The following FGF2 variants were observed in gnomAD, a reference collection of about 807,000 sequenced individuals.
FGF2 encodes the protein basic fibroblast growth factor bFGF.
Under a neutral mutation model 15.9 loss-of-function variants are expected in FGF2, and 13 were observed. The ratio of observed to expected loss-of-function variants is 0.82; its 90% CI spans 0.53 to 1.30. The LOEUF (loss-of-function observed/expected upper bound fraction) is 1.30, where lower values mean the gene tolerates loss of function less well. FGF2 is among the 50% of genes most tolerant of loss of function. The pLI, the probability that FGF2 is intolerant of heterozygous loss-of-function variation, is 0.00. For missense variants in FGF2, 163 were observed against 196.9 expected, an observed-to-expected ratio of 0.83 and a Z score of 1.03; for synonymous variants, 90 against 78.4, an observed-to-expected ratio of 1.15 and a Z score of -0.78.
chr4:122,854,985 C>T lies in FGF2; in HGVS notation c.179-21336C>T, dbSNP rs192790517. On this transcript the variant is annotated intron_variant, in intron 1 of 2. Coordinates refer to ENST00000644866, the MANE Select transcript of FGF2 (RefSeq NM_001361665.2). ...TTGCCTTTCCCCCAAAGCTCCTCCT[C>T]CTCCGGGCACACACATGCCGCTCTG... 6.5e-3 allele frequency among the ~76,000 whole-genome samples: 989 copies of T among 152,292 alleles called. 7 individuals carry two copies. The highest frequency in any genetic ancestry group is 0.011 in the Non-Finnish European group (758 of 68,028).
At chr4:122,842,826 AC>A (rs1250000844) in intron 1 of FGF2, among the ~76,000 whole-genome samples, 1 of 151,840 alleles carries the variant, frequency 6.6e-6, no homozygotes, top group African/African-American at 2.4e-5. Flanking sequence ...TCAGTTTTAA[AC>A]CCTTCATTTG....
intron 1 of FGF2, among the ~76,000 whole-genome samples, chr4:122,868,225 C>G (rs906810993): frequency 8.5e-5 from 13 of 152,064 alleles, no homozygotes; most frequent in Admixed American, 3.9e-4. Flanking sequence ...GTGTGCCATG[C>G]TGGTTTGCTG....
intron 1 of FGF2, among the ~76,000 whole-genome samples, chr4:122,832,529 G>A (rs1725785709): frequency 6.6e-6 from 1 of 152,174 alleles, no homozygotes; most frequent in Non-Finnish European, 1.5e-5. Context: ...TTACAGGCGT[G>A]AGCCACCGTG....
intron 1 of FGF2, among the ~76,000 whole-genome samples, chr4:122,839,558 C>G (rs1725934058): frequency 6.6e-6 from 1 of 152,100 alleles, no homozygotes; most frequent in Non-Finnish European, 1.5e-5. Context: ...AAATTAAACT[C>G]CTCTTTCCTT....
Position 122,876,737 on chromosome 4 carries a change from T to A in FGF2, c.282+313T>A, listed in dbSNP as rs533292967. 4.6e-5 allele frequency among the ~76,000 whole-genome samples: 7 copies of A among 152,354 alleles called. No individual in the cohort carries two copies. The South Asian group carries it at 1.4e-3, about 32-fold the overall frequency. On this transcript the variant is annotated intron_variant, in intron 2 of 2. Transcript: ENST00000644866. ...ATTTAAAAAAAATTTTCTTCTATTA[T>A]GCAGTTGTTTGAAGATCATTGGGAA...
chr4:122,846,912 G>T (rs1726123591), intron 1 of FGF2, among the ~76,000 whole-genome samples: 1 of 152,152 alleles, frequency 6.6e-6, no homozygotes, highest in African/African-American at 2.4e-5. Context: ...GGGGTTTTTT[G>T]CCGTCAGTCA....
At chr4:122,847,603 C>CTCCATCTATCTA (rs71599172) in intron 1 of FGF2, among the ~76,000 whole-genome samples, 3 of 142,010 alleles carry the variant, frequency 2.1e-5, no homozygotes, top group East Asian at 2.0e-4. Flanking sequence ...TAGGAGATCA[C>CTCCATCTATCTA]TCTATCTATC....
chr4:122,890,538 A>G lies in FGF2; in HGVS notation c.283-1673A>G, dbSNP rs73844959. Among the ~76,000 whole-genome samples, 803 of 152,250 alleles carry G rather than the reference A, an allele frequency of 5.3e-3. 7 individuals carry two copies. Among genetic ancestry groups the G allele is most frequent in the African/African-American group, 0.018 (738 of 41,540 alleles). On this transcript the variant is annotated intron_variant, in intron 2 of 2. Coordinates refer to ENST00000644866, the MANE Select transcript of FGF2 (RefSeq NM_001361665.2). ...AGAAGATTACAGGATCTAATACCACACCCTTACTTTAGATGGCTGAGACAC... is the reference window on the plus strand; with the variant it reads ...AGAAGATTACAGGATCTAATACCACGCCCTTACTTTAGATGGCTGAGACAC...
intron 1 of FGF2, among the ~76,000 whole-genome samples, chr4:122,875,598 G>C (rs988289900): frequency 2.0e-5 from 3 of 152,116 alleles, no homozygotes; most frequent in African/African-American, 7.2e-5. Context: ...CACGAGGTCA[G>C]GAGATCGAGA....
intron 2 of FGF2, among the ~76,000 whole-genome samples, chr4:122,887,524 T>G (rs944978116): frequency 6.6e-6 from 1 of 152,226 alleles, no homozygotes; most frequent in African/African-American, 2.4e-5. Flanking sequence ...ATAACCTTAT[T>G]TTCTTTTTGA....
intron 1 of FGF2, among the ~76,000 whole-genome samples, chr4:122,860,385 A>G (rs1315924194): frequency 6.6e-6 from 1 of 151,680 alleles, no homozygotes; most frequent in Non-Finnish European, 1.5e-5. Flanking sequence ...AGATCTACAG[A>G]AGATTTACAA....
At position 122,894,905 on chromosome 4, in the gene FGF2, T is replaced by C. The variant is rs1018944992; in HGVS notation, c.*2509T>C. On this transcript the variant is annotated 3_prime_UTR_variant, in exon 3 of 3. Transcript: ENST00000644866. ...TATGGGGATCCTATTTAGCTCTTAG[T>C]ACCACTAATCAAAAGTTCGGCATGT... is the stretch of plus-strand genomic sequence containing the variant. 5.3e-5 allele frequency: 8 copies of C among 152,208 alleles called. No individual in the cohort carries two copies. The highest frequency in any genetic ancestry group is 1.9e-4 in the African/African-American group (8 of 41,458). The allele number at this position is 152,208 out of a possible 1,614,324, so 9.4% of individuals were successfully genotyped here.
At chr4:122,854,035 T>A (rs1411183208) in intron 1 of FGF2, among the ~76,000 whole-genome samples, 2 of 152,180 alleles carry the variant, frequency 1.3e-5, no homozygotes, top group Non-Finnish European at 2.9e-5. Flanking sequence ...TACTGCACAA[T>A]GAGAGTACCT....
At chr4:122,873,041 T>C (rs1269348026) in intron 1 of FGF2, among the ~76,000 whole-genome samples, 2 of 152,220 alleles carry the variant, frequency 1.3e-5, no homozygotes, top group Non-Finnish European at 2.9e-5. Flanking sequence ...TTTCTAATTA[T>C]CCTATCTGTC....
At position 122,876,382 on chromosome 4, in the gene FGF2, C is replaced by G. The variant is rs557906415; in HGVS notation, c.240C>G (p.Asn80Lys). The G allele has an allele frequency of 1.9e-6, 3 of 1,613,292 alleles. No homozygotes were observed. In the South Asian group the frequency reaches 3.3e-5, roughly 18 times the overall value. Residue 80 changes from asparagine (N) to lysine (K), a missense_variant, in exon 2 of 3, where the codon AAC (asparagine) becomes AAG (lysine). Asn to Lys is a moderately conservative substitution (Grantham distance 94). Coordinates refer to ENST00000644866, the MANE Select transcript of FGF2 (RefSeq NM_001361665.2). ...GVVSIKGVCA[N>K]RYLAMKEDGR... is the part of the protein sequence containing the mutation. The stretch of plus-strand genomic sequence containing the variant: ...TGTCTATCAAAGGAGTGTGTGCTAA[C>G]CGTTACCTGGCTATGAAGGAAGATG...
intron 1 of FGF2, among the ~76,000 whole-genome samples, chr4:122,863,797 C>T (rs896079731): frequency 7.9e-5 from 12 of 152,154 alleles, no homozygotes; most frequent in Non-Finnish European, 1.8e-4. Context: ...GTCTGAGATC[C>T]ATAGGCAGGC....
At chr4:122,860,839 T>A (rs2150776017) in intron 1 of FGF2, among the ~76,000 whole-genome samples, 1 of 152,326 alleles carries the variant, frequency 6.6e-6, no homozygotes, top group African/African-American at 2.4e-5. Flanking sequence ...TATAGATTTA[T>A]TTGGATTTTG....
intron 1 of FGF2, among the ~76,000 whole-genome samples, chr4:122,856,509 AT>A (rs1486428940): frequency 5.3e-5 from 8 of 152,210 alleles, no homozygotes; most frequent in Non-Finnish European, 1.2e-4. Flanking sequence ...AATCTTATTT[AT>A]ATTGCTTAGC....
In FGF2 at chr4:122,892,987, G is replaced by C. The variant is rs1215885037; in HGVS notation, c.*591G>C. On this transcript the variant is annotated 3_prime_UTR_variant, in exon 3 of 3. Transcript: ENST00000644866. ...ACAGCAGCAGCCTAGCAACTCTGCT[G>C]GTGATGGGAGTTGTATTTTCAGTCT... The C allele has an allele frequency of 1.3e-5, 21 of 1,614,058 alleles. No individual in the cohort carries two copies. Among genetic ancestry groups the C allele is most frequent in the Non-Finnish European group, 1.7e-5 (20 of 1,180,050 alleles).
Sources: allele counts gnomAD v4.1 joint callset (sites outside exome capture counted in the v4.1 genomes callset), GRCh38; gene constraint gnomAD v4.1.1; transcripts MANE v1.5; gene names NCBI Gene and HGNC (gene_info 2026-07-23, HGNC 2026-07-21).